The following LRP1B variants were observed in gnomAD, a reference collection of about 807,000 sequenced individuals.
LRP1B encodes the protein low-density lipoprotein receptor-related protein 1B.
A neutral mutation model predicts 556.6 loss-of-function variants in LRP1B; 217 were observed. The observed-to-expected ratio is 0.39, with a 90% confidence interval of 0.35 to 0.44. LRP1B has a LOEUF of 0.44. LRP1B is among the 20% of genes least tolerant of loss of function. The pLI, the probability that LRP1B is intolerant of heterozygous loss-of-function variation, is 1.00. For synonymous variants in LRP1B, 2,047 were observed against 1,865.8 expected (o/e 1.10, Z -2.50); for missense variants, 5,053 against 5,620.8 (o/e 0.90, Z 3.23).
intron 58 of LRP1B, 82 bp from the exon 59 acceptor site, chr2:140,485,606 A>G (rs1688433679): frequency 5.3e-6 from 5 of 951,290 alleles, no homozygotes; most frequent in Non-Finnish European, 7.8e-6. Context: ...TTTTACAGAG[A>G]TATAGAATTC....
At chr2:141,145,825 G>A (rs975034912) in intron 7 of LRP1B, among the ~76,000 whole-genome samples, 1 of 151,052 alleles carries the variant, frequency 6.6e-6, no homozygotes, top group Non-Finnish European at 1.5e-5. Flanking sequence ...GAGCCACTGC[G>A]CCCAGATGGA....
intron 14 of LRP1B, among the ~76,000 whole-genome samples, chr2:141,011,027 G>T (rs1697730875): frequency 7.0e-6 from 1 of 143,020 alleles, no homozygotes. Flanking sequence ...AATAAATATA[G>T]TTTTTATATA....
At chr2:141,159,671 A>G (rs75115955) in intron 7 of LRP1B, among the ~76,000 whole-genome samples, 8,604 of 152,266 alleles carry the variant, frequency 0.057, 305 homozygotes, top group African/African-American at 0.099. Flanking sequence ...CATGCTTAAA[A>G]AGTACAAGTT....
At chr2:141,043,119 C>A (rs1250475158) in intron 11 of LRP1B, among the ~76,000 whole-genome samples, 2 of 150,862 alleles carry the variant, frequency 1.3e-5, no homozygotes, top group Non-Finnish European at 3.0e-5. Flanking sequence ...GGGAAGATCA[C>A]TTGAGTGCAG....
At position 140,989,806 on chromosome 2, in the gene LRP1B, C is replaced by A. The variant is rs1310981479; in HGVS notation, c.2645-149G>T. On this transcript the variant is annotated intron_variant, in intron 16 of 90. Transcript: ENST00000389484. ...TCATTCATTGCCTTATATTTAATAGCAAATACTAATATTCACTTTGTTAAA... is the reference window on the plus strand; with the variant it reads ...TCATTCATTGCCTTATATTTAATAGAAAATACTAATATTCACTTTGTTAAA... The A allele has an allele frequency of 1.1e-5, 7 of 644,116 alleles. No homozygotes were observed. In the Admixed American group the frequency reaches 1.5e-4, roughly 14 times the overall value. The allele number at this position is 644,116 out of a possible 1,614,324, so 39.9% of individuals were successfully genotyped here.
intron 2 of LRP1B, among the ~76,000 whole-genome samples, chr2:141,809,553 G>A (rs935296755): frequency 3.3e-5 from 5 of 151,628 alleles, no homozygotes; most frequent in African/African-American, 4.8e-5. Flanking sequence ...AAAAAAAGTG[G>A]GCCATATTTA....
chr2:141,431,735 A>G (rs2104985258), intron 3 of LRP1B, among the ~76,000 whole-genome samples: 1 of 152,198 alleles, frequency 6.6e-6, no homozygotes, highest in South Asian at 2.1e-4. Context: ...TTTTTAAAAT[A>G]TTATACATTT....
rs1396706116 is a variant in LRP1B at position 140,270,248 on chromosome 2, A to C, written c.13241T>G (p.Val4414Gly). The C allele has an allele frequency of 1.9e-6, 3 of 1,610,688 alleles. No homozygotes were observed. The highest frequency in any genetic ancestry group is 2.5e-6 in the Non-Finnish European group (3 of 1,177,462). The change falls in exon 86 of 91, where the codon GTG (valine) becomes GGG (glycine). Residue 4414 changes from valine to glycine, a missense_variant. Around this residue, in one of 5 missense-constraint regions of LRP1B, gnomAD observed 551 missense variants for 592.0 expected, o/e 0.93. Transcript: ENST00000389484. ...CQLDPETNVPVCLCSTNWSGT... is the reference protein window; with the variant it reads ...CQLDPETNVPGCLCSTNWSGT... The stretch of plus-strand genomic sequence containing the variant: ...GACTTGATTAAATACTCACAGACAC[A>C]CAGGTACATTTGTCTCGGGGTCCAG...
At chr2:140,576,806 G>C (rs1025891175) in intron 43 of LRP1B, among the ~76,000 whole-genome samples, 8 of 152,130 alleles carry the variant, frequency 5.3e-5, no homozygotes, top group Non-Finnish European at 1.2e-4. Context: ...TCTGATGGTT[G>C]CTATTTTATA....
At chr2:141,120,142 G>A (rs1011268334) in intron 7 of LRP1B, among the ~76,000 whole-genome samples, 4 of 151,860 alleles carry the variant, frequency 2.6e-5, no homozygotes, top group African/African-American at 9.7e-5. Flanking sequence ...GACAGGCAAG[G>A]AATTTCAGAT....
At chr2:141,331,372 T>C (rs1687638240) in intron 3 of LRP1B, among the ~76,000 whole-genome samples, 1 of 152,200 alleles carries the variant, frequency 6.6e-6, no homozygotes, top group African/African-American at 2.4e-5. Context: ...TCAATTCTCC[T>C]TTCCCCTCAA....
intron 2 of LRP1B, among the ~76,000 whole-genome samples, chr2:141,622,708 T>G (rs1688546145): frequency 6.6e-6 from 1 of 152,206 alleles, no homozygotes; most frequent in Non-Finnish European, 1.5e-5. Context: ...AGCCAAATAA[T>G]TCAAAGGGTT....
At chr2:141,887,716 G>A (rs1699169442) in intron 1 of LRP1B, among the ~76,000 whole-genome samples, 2 of 152,186 alleles carry the variant, frequency 1.3e-5, no homozygotes, top group African/African-American at 2.4e-5. Flanking sequence ...CTAGAGTTGA[G>A]TGATTTCACT....
At chr2:140,591,189 T>C (rs1361738654) in intron 43 of LRP1B, among the ~76,000 whole-genome samples, 2 of 152,212 alleles carry the variant, frequency 1.3e-5, no homozygotes, top group Non-Finnish European at 2.9e-5. Context: ...CAGAAAAATG[T>C]CAAAGACAAC....
chr2:140,276,741 C>G (rs1464142379), intron 84 of LRP1B, among the ~76,000 whole-genome samples: 1 of 151,928 alleles, frequency 6.6e-6, no homozygotes, highest in Non-Finnish European at 1.5e-5. Flanking sequence ...AGTGATGTTT[C>G]TTTGCAACAT....
At chr2:141,556,101 A>C (rs1181392073) in intron 2 of LRP1B, among the ~76,000 whole-genome samples, 1 of 151,856 alleles carries the variant, frequency 6.6e-6, no homozygotes, top group African/African-American at 2.4e-5. Flanking sequence ...GAGCCTGCAT[A>C]ATCTCAATGT....
intron 63 of LRP1B, 41 bp from the exon 64 acceptor site, chr2:140,444,720 C>A (rs2105305445): frequency 8.4e-7 from 1 of 1,184,518 alleles, no homozygotes; most frequent in Non-Finnish European, 1.3e-6. Flanking sequence ...GGTAATCTTA[C>A]CTCACAACTT....
intron 2 of LRP1B, among the ~76,000 whole-genome samples, chr2:141,657,455 C>A (rs115525705): frequency 6.6e-6 from 1 of 152,000 alleles, no homozygotes; most frequent in Admixed American, 6.5e-5. Flanking sequence ...ATAGCAATTG[C>A]CATTAAATGA....
chr2:140,333,218 T>C (rs1680902137), intron 79 of LRP1B, among the ~76,000 whole-genome samples: 1 of 152,138 alleles, frequency 6.6e-6, no homozygotes, highest in African/African-American at 2.4e-5. Context: ...CAGGTCTCTC[T>C]TTCAATATCC....
Sources: allele counts gnomAD v4.1 joint callset (sites outside exome capture counted in the v4.1 genomes callset), GRCh38; gene constraint gnomAD v4.1.1; regional missense constraint gnomAD v4.1.1; transcripts MANE v1.5; gene names NCBI Gene and HGNC (gene_info 2026-07-23, HGNC 2026-07-21).